LPCAT1: variants seen among roughly 807,000 people sequenced by gnomAD.
The protein encoded by LPCAT1 is 1-acylglycerol-3-phosphate O-acyltransferase.
In LPCAT1, 23 loss-of-function variants were observed where a neutral mutation model predicts 60.9. That is an observed-to-expected ratio of 0.38 (90% CI 0.27 to 0.53). The LOEUF (loss-of-function observed/expected upper bound fraction) is 0.53, where lower values mean the gene tolerates loss of function less well. LPCAT1 is among the 20% of genes least tolerant of loss of function. LPCAT1 has a pLI of 0.82. For synonymous variants in LPCAT1, 340 were observed against 301.1 expected (o/e 1.13, Z -1.34); for missense variants, 622 against 723.6 (o/e 0.86, Z 1.61).
In LPCAT1 at chr5:1,502,941, C is replaced by T. The variant is rs942213320; in HGVS notation, c.136-1338G>A. Among the ~76,000 whole-genome samples, 3 of 152,130 alleles carry T rather than the reference C, an allele frequency of 2.0e-5. No homozygotes were observed. Among genetic ancestry groups the T allele is most frequent in the South Asian group, 2.1e-4 (1 of 4,818 alleles). On this transcript the variant is annotated intron_variant, in intron 1 of 13. Coordinates refer to ENST00000283415, the MANE Select transcript of LPCAT1 (RefSeq NM_024830.5). This position sits in a 1 kb window ranked among gnomAD's most constrained non-coding sequence, Gnocchi z 5.5. ...TGACAATTTAATATACAGCTCATTT[C>T]GCCCGGTATATCTGAAATACCATTT...
Position 1,462,734 on chromosome 5 carries a change from G to A in LPCAT1, c.*917C>T, listed in dbSNP as rs139852726. The stretch of plus-strand genomic sequence containing the variant: ...GGCGGCTGCCTTGCGCTTCCAGCTC[G>A]GGCCCTGCTCATTTGAACAATATCC... On this transcript the variant is annotated 3_prime_UTR_variant, in exon 14 of 14. Transcript: ENST00000283415. 1.3e-5 allele frequency: 2 copies of A among 152,238 alleles called. No homozygotes were observed. The highest frequency in any genetic ancestry group is 4.8e-5 in the African/African-American group (2 of 41,448). The allele number at this position is 152,238 out of a possible 1,614,324, so 9.4% of individuals were successfully genotyped here.
intron 2 of LPCAT1, among the ~76,000 whole-genome samples, chr5:1,498,646 GTA>G (rs1735888125): frequency 6.8e-6 from 1 of 146,750 alleles, no homozygotes; most frequent in Non-Finnish European, 1.5e-5. Context: ...ACACATACAT[GTA>G]CACAGAGACA....
chr5:1,486,915 C>T (rs868197149), intron 5 of LPCAT1, among the ~76,000 whole-genome samples: 6 of 152,220 alleles, frequency 3.9e-5, no homozygotes, highest in South Asian at 2.1e-4. Flanking sequence ...GCACAGCGAG[C>T]GCCCTTCCTG....
chr5:1,482,354 G>A (rs989530535), intron 6 of LPCAT1, among the ~76,000 whole-genome samples: 17 of 142,858 alleles, frequency 1.2e-4, no homozygotes, highest in African/African-American at 4.0e-4. Flanking sequence ...CTGGAGGAAG[G>A]TGCAGCAGCC....
At chr5:1,474,711 AG>A in intron 9 of LPCAT1, 26 bp from the exon 10 acceptor site, 1 of 1,602,974 alleles carries the variant, frequency 6.2e-7, no homozygotes, top group Non-Finnish European at 8.5e-7. Context: ...CACCCCCGTC[AG>A]CCCAGCCTCG....
chr5:1,508,293 C>G (rs1309585343), intron 1 of LPCAT1, among the ~76,000 whole-genome samples: 3 of 152,182 alleles, frequency 2.0e-5, no homozygotes, highest in Non-Finnish European at 4.4e-5. Flanking sequence ...CTTTGGTGTT[C>G]TAGGTTGAAT....
At chr5:1,499,928 A>G (rs917829208) in intron 2 of LPCAT1, among the ~76,000 whole-genome samples, 11 of 152,248 alleles carry the variant, frequency 7.2e-5, no homozygotes, top group Admixed American at 2.0e-4. Context: ...CAGCCCACAG[A>G]TCAGACACCT....
rs1735450639 is a variant in LPCAT1, at chr5:1,488,432, C to T, written c.626G>A (p.Gly209Glu). The T allele has an allele frequency of 6.2e-7, 1 of 1,601,470 alleles. No homozygotes were observed. Among genetic ancestry groups the T allele is most frequent in the Non-Finnish European group, 8.5e-7 (1 of 1,174,082 alleles). The change falls in exon 5 of 14, where the codon GGA (glycine) becomes GAA (glutamate). Residue 209 changes from glycine to glutamate, a missense_variant. Transcript: ENST00000283415. Reference protein sequence around the residue: ...KWPQIMIFPEGTCTNRTCLIT... With the variant: ...KWPQIMIFPEETCTNRTCLIT... The stretch of plus-strand genomic sequence containing the variant: ...TAGGCAGGTCCTGTTTGTACAAGTT[C>T]CTTCTGGAAAAATCATTATCTGGAA...
intron 11 of LPCAT1, among the ~76,000 whole-genome samples, chr5:1,471,565 G>A (rs1056739036): frequency 2.0e-5 from 3 of 152,302 alleles, no homozygotes; most frequent in Non-Finnish European, 2.9e-5. Context: ...AGGTCAGGGC[G>A]GGAGGAGGTG....
rs1270876243 is a variant in LPCAT1, at chr5:1,466,685, G to A, written c.1420+64C>T. The A allele has an allele frequency of 3.3e-6, 5 of 1,517,710 alleles. No homozygotes were observed. In the African/African-American group the frequency reaches 5.5e-5, roughly 17 times the overall value. 94.0% of individuals were successfully genotyped at this position (1,517,710 alleles called of 1,614,324 possible). ...CTGTCCTGGGCTCCCACGGAGACTCGCCCCACACTCTGTCCAGCCCCCGCC... is the reference window on the plus strand; with the variant it reads ...CTGTCCTGGGCTCCCACGGAGACTCACCCCACACTCTGTCCAGCCCCCGCC... On this transcript the variant is annotated intron_variant, in intron 13 of 13. Coordinates refer to ENST00000283415, the MANE Select transcript of LPCAT1 (RefSeq NM_024830.5).
At chr5:1,506,342 C>T (rs531284711) in intron 1 of LPCAT1, among the ~76,000 whole-genome samples, 1 of 152,340 alleles carries the variant, frequency 6.6e-6, no homozygotes, top group Admixed American at 6.5e-5. Flanking sequence ...CCCACAGGAG[C>T]CGGGAGCCCT....
At chr5:1,520,424 C>T (rs905859207) in intron 1 of LPCAT1, among the ~76,000 whole-genome samples, 3 of 152,198 alleles carry the variant, frequency 2.0e-5, no homozygotes, top group African/African-American at 7.2e-5. Flanking sequence ...CCAGCGTGGG[C>T]AGGCGGGCAC....
chr5:1,484,970 A>G (rs1337650690), intron 5 of LPCAT1, among the ~76,000 whole-genome samples: 1 of 152,186 alleles, frequency 6.6e-6, no homozygotes, highest in Non-Finnish European at 1.5e-5. Flanking sequence ...GCACAGACCC[A>G]GGCTCAAGCC....
In LPCAT1 at chr5:1,484,031, A is replaced by G. The variant is rs372691565; in HGVS notation, c.668-545T>C. 3.8e-4 allele frequency among the ~76,000 whole-genome samples: 58 copies of G among 152,348 alleles called. No homozygotes were observed. In the East Asian group the frequency reaches 0.01, roughly 27 times the overall value. ...GGGTTAGGGTCTGCCCTCACCAAGCACATACACCTGCCTCGGGGCCCCACC... is the reference window on the plus strand; with the variant it reads ...GGGTTAGGGTCTGCCCTCACCAAGCGCATACACCTGCCTCGGGGCCCCACC... On this transcript the variant is annotated intron_variant, in intron 5 of 13. Coordinates refer to ENST00000283415, the MANE Select transcript of LPCAT1 (RefSeq NM_024830.5).
intron 1 of LPCAT1, among the ~76,000 whole-genome samples, chr5:1,508,960 G>GT (rs1483792673): frequency 3.3e-5 from 5 of 152,278 alleles, no homozygotes; most frequent in Admixed American, 2.6e-4. Context: ...CAGAGAACAT[G>GT]TGGTCCCTCT....
chr5:1,483,339 G>A lies in LPCAT1; in HGVS notation c.726+89C>T. On this transcript the variant is annotated intron_variant, in intron 6 of 13. Transcript: ENST00000283415. This position sits in a 1 kb window ranked among gnomAD's most constrained non-coding sequence, Gnocchi z 9.2. ...GTGGCGCAGATAAAGGGTGTGGAGAGACAGAGACACAGGTGCACAGAGGCA... is the reference window on the plus strand; with the variant it reads ...GTGGCGCAGATAAAGGGTGTGGAGAAACAGAGACACAGGTGCACAGAGGCA... 7.5e-7 allele frequency: 1 copy of A among 1,339,670 alleles called. No homozygotes were observed. 83.0% of individuals were successfully genotyped at this position (1,339,670 alleles called of 1,614,324 possible).
chr5:1,521,337 A>T lies in LPCAT1; in HGVS notation c.135+2373T>A. The T allele has an allele frequency of 1.0e-6, 1 of 985,438 alleles. No homozygotes were observed. The highest frequency in any genetic ancestry group is 1.2e-6 in the Non-Finnish European group (1 of 829,930). 61.0% of individuals were successfully genotyped at this position (985,438 alleles called of 1,614,324 possible). A position where few individuals can be genotyped will look rare whatever the true frequency, so the allele number is the denominator to read the frequency against. On this transcript the variant is annotated intron_variant, in intron 1 of 13. Transcript: ENST00000283415. This position sits in a 1 kb window ranked among gnomAD's most constrained non-coding sequence, Gnocchi z 4.3. ...GCGGCAAATGCTCACAGGTAAATGC[A>T]GGTACTCACTGGTTTATCTCAACTG...
At chr5:1,471,823 C>T (rs1388849167) in intron 11 of LPCAT1, among the ~76,000 whole-genome samples, 1 of 150,906 alleles carries the variant, frequency 6.6e-6, no homozygotes, top group African/African-American at 2.4e-5. Flanking sequence ...AGGGGGAGGA[C>T]TCTGGCCAGA....
intron 8 of LPCAT1, among the ~76,000 whole-genome samples, chr5:1,478,239 G>A (rs563493009): frequency 5.8e-4 from 88 of 152,384 alleles, no homozygotes; most frequent in African/African-American, 2.0e-3. Flanking sequence ...CACCGTGCAG[G>A]AAAGGGCACA....
Sources: allele counts gnomAD v4.1 joint callset (sites outside exome capture counted in the v4.1 genomes callset), GRCh38; gene constraint gnomAD v4.1.1; non-coding constraint Gnocchi (gnomAD v3.1); transcripts MANE v1.5; gene names NCBI Gene and HGNC (gene_info 2026-07-23, HGNC 2026-07-21).